The following TTC3 variants were observed in gnomAD, a reference collection of about 807,000 sequenced individuals.
TTC3 encodes tetratricopeptide repeat domain 3, also known as E3 ubiquitin-protein ligase TTC3.
Under a neutral mutation model 249.6 loss-of-function variants are expected in TTC3, and 180 were observed. That is an observed-to-expected ratio of 0.72 (90% CI 0.64 to 0.82). TTC3 has a LOEUF of 0.82. TTC3 is among the 40% of genes least tolerant of loss of function. TTC3 has a pLI of 0.00. For missense variants in TTC3, 2,061 were observed against 2,398.4 expected, an observed-to-expected ratio of 0.86 and a Z score of 2.94; for synonymous variants, 717 against 805.0, an observed-to-expected ratio of 0.89 and a Z score of 1.85.
Position 37,132,667 on chromosome 21 carries a change from C to A in TTC3, c.1359-15C>A, listed in dbSNP as rs187082291. The A allele has an allele frequency of 1.2e-4, 192 of 1,571,338 alleles. No homozygotes were observed. The East Asian group carries it at 3.6e-3, about 29-fold the overall frequency. On this transcript the variant is annotated splice_polypyrimidine_tract_variant and intron_variant, in intron 16 of 45. Coordinates refer to ENST00000355666, the Ensembl canonical transcript of TTC3. ...TATTTTAAAATGATTTTTAAAAATGCTTTTTTTCTTTTAGTTCTAGTTCAC... is the reference window on the plus strand; with the variant it reads ...TATTTTAAAATGATTTTTAAAAATGATTTTTTTCTTTTAGTTCTAGTTCAC...
In TTC3 at chr21:37,096,716, T is replaced by C. The variant is rs1322529485; in HGVS notation, c.845+73T>C. On this transcript the variant is annotated intron_variant, in intron 10 of 45. Transcript: ENST00000355666. ...CCATTTTTGGGAAACGTTTCTGTTT[T>C]TCAGGTATACAAGAAAATCCTTGAC... 5 of 1,213,196 alleles carry C rather than the reference T, an allele frequency of 4.1e-6. No homozygotes were observed. The African/African-American group carries it at 7.6e-5, about 18-fold the overall frequency. 75.2% of individuals were successfully genotyped at this position (1,213,196 alleles called of 1,614,324 possible).
At chr21:37,083,212 T>G (rs1450174389) in intron 1 of TTC3, 2 of 985,290 alleles carry the variant, frequency 2.0e-6, no homozygotes, top group Non-Finnish European at 2.4e-6. Flanking sequence ...ATAAGTTTTG[T>G]TTAGGAAGGA....
At chr21:37,131,224 C>T (rs1250464587) in intron 16 of TTC3, among the ~76,000 whole-genome samples, 1 of 152,010 alleles carries the variant, frequency 6.6e-6, no homozygotes, top group East Asian at 1.9e-4. Context: ...GAGGAGGTCT[C>T]GTCACTGGAA....
intron 31 of TTC3, among the ~76,000 whole-genome samples, chr21:37,163,419 C>CA (rs1160325698): frequency 2.0e-5 from 3 of 152,326 alleles, no homozygotes; most frequent in Non-Finnish European, 2.9e-5. Flanking sequence ...GGCGTGATCT[C>CA]AGCTCACTGC....
intron 15 of TTC3, among the ~76,000 whole-genome samples, chr21:37,126,488 T>A (rs2077053323): frequency 6.6e-6 from 1 of 152,174 alleles, no homozygotes. Context: ...TGTTTAGACC[T>A]TTTTAAATCT....
At chr21:37,081,812 T>C (rs1036153859) in intron 1 of TTC3, 2 of 152,036 alleles carry the variant, frequency 1.3e-5, no homozygotes, top group African/African-American at 4.8e-5. Context: ...CCTAATATCC[T>C]CTGTAACCCA....
At chr21:37,195,346 T>C (rs1044615974) in intron 41 of TTC3, among the ~76,000 whole-genome samples, 5 of 151,992 alleles carry the variant, frequency 3.3e-5, no homozygotes, top group Non-Finnish European at 7.4e-5. Context: ...GTCAGCTACA[T>C]GGTTTAGCTC....
chr21:37,159,808 G>T lies in TTC3; in HGVS notation c.3039+63G>T, dbSNP rs1005120311. 85 of 1,516,102 alleles carry T rather than the reference G, an allele frequency of 5.6e-5. 1 individual carries two copies. Among genetic ancestry groups the T allele is most frequent in the East Asian group, 4.7e-4 (21 of 44,340 alleles). 93.9% of individuals were successfully genotyped at this position (1,516,102 alleles called of 1,614,324 possible). A position where few individuals can be genotyped will look rare whatever the true frequency, so the allele number is the denominator to read the frequency against. On this transcript the variant is annotated intron_variant, in intron 29 of 45. Transcript: ENST00000355666. ...CTGATGTTAAACCAAGGATGAGAAG[G>T]GGACCCAGGCCAGTGTTTATTGACA...
chr21:37,173,964 A>G (rs2082021800), intron 35 of TTC3, among the ~76,000 whole-genome samples: 1 of 152,234 alleles, frequency 6.6e-6, no homozygotes, highest in Admixed American at 6.5e-5. Context: ...TAAACTTTAT[A>G]TTGCCTCAGG....
chr21:37,104,855 G>A (rs1023896904), intron 10 of TTC3, among the ~76,000 whole-genome samples: 5 of 152,172 alleles, frequency 3.3e-5, no homozygotes, highest in South Asian at 2.1e-4. Flanking sequence ...TTAACCTAGA[G>A]TAAAGCTTGG....
chr21:37,076,329 T>C (rs2070854667), intron 1 of TTC3, among the ~76,000 whole-genome samples: 1 of 152,242 alleles, frequency 6.6e-6, no homozygotes, highest in Non-Finnish European at 1.5e-5. Flanking sequence ...GTATGCATTC[T>C]TCTGTTAATG....
intron 33 of TTC3, among the ~76,000 whole-genome samples, 189 bp downstream of exon 33, chr21:37,166,804 A>C (rs1400906522): frequency 6.6e-6 from 1 of 152,216 alleles, no homozygotes; most frequent in Non-Finnish European, 1.5e-5. Context: ...TCTCAGAAAG[A>C]AGCTTGGGTC....
intron 26 of TTC3, 93 bp from the exon 27 acceptor site, chr21:37,152,858 C>A (rs957078607): frequency 9.7e-7 from 1 of 1,032,518 alleles, no homozygotes; most frequent in African/African-American, 1.6e-5. Flanking sequence ...CAATCTGAAT[C>A]ATATTTTATA....
rs748707442 is a variant in TTC3 at position 37,135,391 on chromosome 21, T to C, written c.1455T>C (p.Asn485=). 5.0e-6 allele frequency: 8 copies of C among 1,609,894 alleles called. No homozygotes were observed. In the South Asian group the frequency reaches 7.7e-5, roughly 16 times the overall value. Residue 485 remains asparagine (N), a synonymous_variant, in exon 18 of 46, where the codon AAT becomes AAC. Coordinates refer to ENST00000355666, the Ensembl canonical transcript of TTC3. Reference sequence around the variant, plus strand: ...TTTCTTTTTTCCAGGATTTTGCTAATATAATGAAAATGCTGAGAAGCTTAA... The same window carrying C: ...TTTCTTTTTTCCAGGATTTTGCTAACATAATGAAAATGCTGAGAAGCTTAA...
At chr21:37,129,637 T>G (rs1287381455) in intron 16 of TTC3, among the ~76,000 whole-genome samples, 1 of 152,150 alleles carries the variant, frequency 6.6e-6, no homozygotes, top group Non-Finnish European at 1.5e-5. Context: ...CTATCTTTTT[T>G]TTTGTTTTTT....
chr21:37,088,510 G>A (rs2072815614), intron 4 of TTC3, among the ~76,000 whole-genome samples, 164 bp downstream of exon 4: 4 of 152,168 alleles, frequency 2.6e-5, no homozygotes, highest in African/African-American at 7.2e-5. Context: ...GGATATGAAT[G>A]AATAATTGTA....
exon 5 of TTC3, chr21:37,088,833 C>T (rs765796542): frequency 6.2e-7 from 1 of 1,613,530 alleles, no homozygotes. Flanking sequence ...TTTGAAGAAA[C>T]TACAACATCT....
chr21:37,116,131 G>T (rs532242355), intron 11 of TTC3, among the ~76,000 whole-genome samples: 16 of 152,176 alleles, frequency 1.1e-4, no homozygotes, highest in Admixed American at 2.0e-4. Context: ...CTGACAAGCT[G>T]CCTGACACTT....
intron 10 of TTC3, among the ~76,000 whole-genome samples, chr21:37,102,670 G>A (rs560218541): frequency 5.5e-4 from 84 of 152,276 alleles, no homozygotes; most frequent in Non-Finnish European, 9.9e-4. Flanking sequence ...GGAACTTTAA[G>A]CCTGGAAGAA....
Sources: gnomAD v4.1 joint callset for allele counts (sites outside exome capture counted in the v4.1 genomes callset) on GRCh38, gnomAD v4.1.1 for gene constraint, MANE v1.5 for transcripts, NCBI Gene and HGNC (gene_info 2026-07-23, HGNC 2026-07-21) for gene names.